Variants in ZNF169 observed in about 807,000 individuals in gnomAD.
The protein encoded by ZNF169 is zinc finger protein 169.
In ZNF169, 11 loss-of-function variants were observed where a neutral mutation model predicts 12.0. That is an observed-to-expected ratio of 0.92 (90% CI 0.58 to 1.52). The LOEUF (loss-of-function observed/expected upper bound fraction) is 1.52, where lower values mean the gene tolerates loss of function less well. ZNF169 is among the 40% of genes most tolerant of loss of function. The pLI, the probability that ZNF169 is intolerant of heterozygous loss-of-function variation, is 0.00. For missense variants in ZNF169, 722 were observed against 744.0 expected, an observed-to-expected ratio of 0.97 and a Z score of 0.34; for synonymous variants, 302 against 286.5, an observed-to-expected ratio of 1.05 and a Z score of -0.55.
Position 94,269,327 on chromosome 9 carries a change from G to A in ZNF169, c.-55-9431G>A, listed in dbSNP as rs73523834. On this transcript the variant is annotated intron_variant, in intron 1 of 4. Transcript: ENST00000395395. ...TTGGTGGTACCGGACAAATGGCTTCGCAAGCCCAGACAGGAAAACAGTAGG... is the reference window on the plus strand; with the variant it reads ...TTGGTGGTACCGGACAAATGGCTTCACAAGCCCAGACAGGAAAACAGTAGG... Among the ~76,000 whole-genome samples the A allele has an allele frequency of 7.4e-3, 1,122 of 151,828 alleles. 16 individuals are homozygous for A. The highest frequency in any genetic ancestry group is 0.026 in the African/African-American group (1,059 of 41,160).
At chr9:94,283,790 C>T (rs549658406) in intron 2 of ZNF169, among the ~76,000 whole-genome samples, 267 of 152,060 alleles carry the variant, frequency 1.8e-3, no homozygotes, top group Middle Eastern at 3.4e-3. Flanking sequence ...AATATGAGGC[C>T]GGGTGCGGTG....
intron 2 of ZNF169, chr9:94,288,606 C>T: frequency 2.5e-6 from 1 of 407,596 alleles, no homozygotes; most frequent in Non-Finnish European, 4.7e-6. Context: ...GGCTCTGGTG[C>T]AGAGGCAGGT....
intron 1 of ZNF169, among the ~76,000 whole-genome samples, chr9:94,270,796 TAA>T (rs1491120585): frequency 1.3e-4 from 8 of 62,116 alleles, no homozygotes; most frequent in African/African-American, 4.4e-4. Flanking sequence ...TATATATAAA[TAA>T]TATATATATT....
At chr9:94,285,926 G>A (rs1267647141) in intron 2 of ZNF169, among the ~76,000 whole-genome samples, 4 of 151,956 alleles carry the variant, frequency 2.6e-5, no homozygotes, top group South Asian at 2.1e-4. Context: ...TAGGAGAATC[G>A]CTTGAACCCA....
intron 2 of ZNF169, among the ~76,000 whole-genome samples, chr9:94,290,413 C>T (rs1034481569): frequency 6.6e-6 from 1 of 152,046 alleles, no homozygotes; most frequent in South Asian, 2.1e-4. Flanking sequence ...CATCCCCACT[C>T]CCCCCAGCCC....
At chr9:94,296,700 A>G (rs1206445532) in intron 4 of ZNF169, 11 of 454,380 alleles carry the variant, frequency 2.4e-5, no homozygotes, top group South Asian at 1.2e-4. Context: ...CCTGGACTCT[A>G]TGTTTTTTCT....
intron 1 of ZNF169, among the ~76,000 whole-genome samples, chr9:94,270,987 C>T (rs9409507): frequency 0.073 from 240 of 3,310 alleles, 15 homozygotes; most frequent in East Asian, 0.25. Context: ...TATAAATATA[C>T]AAATAATATA....
At chr9:94,263,697 C>T (rs3131899) in intron 1 of ZNF169, among the ~76,000 whole-genome samples, 41,643 of 151,750 alleles carry the variant, frequency 0.27, 7,121 homozygotes, top group East Asian at 0.53. Context: ...CCAGTCTGTG[C>T]CTTTTAATTG....
chr9:94,264,158 G>A (rs1343390651), intron 1 of ZNF169, among the ~76,000 whole-genome samples: 2 of 151,994 alleles, frequency 1.3e-5, no homozygotes, highest in African/African-American at 4.8e-5. Context: ...TCTTTTTGAG[G>A]TGGCGTCTTG....
intron 1 of ZNF169, among the ~76,000 whole-genome samples, chr9:94,269,284 C>T (rs548697186): frequency 1.4e-4 from 22 of 152,230 alleles, no homozygotes; most frequent in Non-Finnish European, 2.8e-4. Flanking sequence ...GGTGTATGAG[C>T]GAGCCCTCTT....
At chr9:94,297,192 G>A (rs999442224) in intron 4 of ZNF169, among the ~76,000 whole-genome samples, 12 of 152,096 alleles carry the variant, frequency 7.9e-5, no homozygotes, top group South Asian at 2.1e-4. Flanking sequence ...GATTGGGATC[G>A]AGTTGAATCT....
At chr9:94,290,821 T>C (rs1587685648) in intron 2 of ZNF169, among the ~76,000 whole-genome samples, 1 of 152,142 alleles carries the variant, frequency 6.6e-6, no homozygotes, top group South Asian at 2.1e-4. Flanking sequence ...ATTATATGTT[T>C]AATTTTTTGA....
At position 94,278,739 on chromosome 9, in the gene ZNF169, T is replaced by C; in HGVS notation, c.-55-19T>C. The C allele has an allele frequency of 1.4e-6, 2 of 1,465,560 alleles. No homozygotes were observed. The highest frequency in any genetic ancestry group is 3.4e-5 in the Admixed American group (2 of 58,744). The allele number at this position is 1,465,560 out of a possible 1,614,324, so 90.8% of individuals were successfully genotyped here. A position where few individuals can be genotyped will look rare whatever the true frequency, so the allele number is the denominator to read the frequency against. On this transcript the variant is annotated intron_variant, in intron 1 of 4. Coordinates refer to ENST00000395395, the MANE Select transcript of ZNF169 (RefSeq NM_194320.4). ...TGTTCTTCCCAAGTACCTCTCTCAC[T>C]TCTCATCTCTTTCCCCAGATTTGCC...
At chr9:94,277,707 G>A (rs1308762352) in intron 1 of ZNF169, among the ~76,000 whole-genome samples, 6 of 152,002 alleles carry the variant, frequency 3.9e-5, no homozygotes, top group East Asian at 3.9e-4. Context: ...CGAGGCGGGC[G>A]GATCACGAGG....
At chr9:94,270,763 A>G (rs1243272565) in intron 1 of ZNF169, among the ~76,000 whole-genome samples, 1 of 53,854 alleles carries the variant, frequency 1.9e-5, no homozygotes, top group South Asian at 4.7e-4. Flanking sequence ...ATATATAAAT[A>G]TATATGTTAT....
chr9:94,277,846 G>A (rs985544801), intron 1 of ZNF169, among the ~76,000 whole-genome samples: 1 of 151,486 alleles, frequency 6.6e-6, no homozygotes. Context: ...GCAGGAGAAT[G>A]GCGTGAACCC....
chr9:94,279,698 G>A (rs983143464), intron 2 of ZNF169, among the ~76,000 whole-genome samples: 2 of 152,128 alleles, frequency 1.3e-5, no homozygotes, highest in African/African-American at 4.8e-5. Flanking sequence ...GGGATGAGAT[G>A]ACTGGCAGGC....
intron 2 of ZNF169, among the ~76,000 whole-genome samples, chr9:94,286,113 G>A (rs1389819989): frequency 2.0e-5 from 3 of 152,170 alleles, no homozygotes; most frequent in African/African-American, 7.2e-5. Context: ...GTGTGTGCTA[G>A]GCAGAGGATG....
At chr9:94,278,147 G>T (rs553485988) in intron 1 of ZNF169, among the ~76,000 whole-genome samples, 1 of 152,054 alleles carries the variant, frequency 6.6e-6, no homozygotes, top group Admixed American at 6.5e-5. Flanking sequence ...CCTACTTCTC[G>T]CTTCTTAAAA....
Sources: gnomAD v4.1 joint callset for allele counts (sites outside exome capture counted in the v4.1 genomes callset) on GRCh38, gnomAD v4.1.1 for gene constraint, MANE v1.5 for transcripts, NCBI Gene and HGNC (gene_info 2026-07-23, HGNC 2026-07-21) for gene names.